Variants in CRYBG1 observed in about 807,000 individuals in gnomAD.
CRYBG1 encodes beta/gamma crystallin domain-containing protein 1.
CRYBG1 carries 139 observed loss-of-function variants against 189.2 expected under a neutral mutation model. The ratio of observed to expected loss-of-function variants is 0.73; its 90% CI spans 0.64 to 0.85. CRYBG1 has a LOEUF of 0.85. CRYBG1 is among the 40% of genes least tolerant of loss of function. CRYBG1 has a pLI of 0.00. For synonymous variants in CRYBG1, 1,023 were observed against 1,017.1 expected, an observed-to-expected ratio of 1.01 and a Z score of -0.11; for missense variants, 2,611 against 2,675.8, an observed-to-expected ratio of 0.98 and a Z score of 0.53.
chr6:106,410,850 G>T (rs1194481568), intron 1 of CRYBG1, among the ~76,000 whole-genome samples: 1 of 152,150 alleles, frequency 6.6e-6, no homozygotes, highest in Non-Finnish European at 1.5e-5. Context: ...ACACACTGGG[G>T]ACTGTTGTGG....
At chr6:106,524,275 G>T (rs1773682418) in intron 4 of CRYBG1, among the ~76,000 whole-genome samples, 1 of 152,084 alleles carries the variant, frequency 6.6e-6, no homozygotes, top group East Asian at 1.9e-4. Flanking sequence ...CAAAAAAGCG[G>T]GATTAGGCCG....
chr6:106,558,449 A>T, intron 17 of CRYBG1, 37 bp from the exon 18 acceptor site: 1 of 1,476,208 alleles, frequency 6.8e-7, no homozygotes, highest in South Asian at 1.3e-5. Context: ...TTATTAACAA[A>T]GATGAATAAC....
At chr6:106,454,468 G>A (rs981912629) in intron 2 of CRYBG1, among the ~76,000 whole-genome samples, 6 of 152,310 alleles carry the variant, frequency 3.9e-5, no homozygotes, top group South Asian at 2.1e-4. Flanking sequence ...GTTCTAGGGT[G>A]CCAGGGGCAC....
intron 4 of CRYBG1, among the ~76,000 whole-genome samples, chr6:106,521,663 TG>T (rs1413567220): frequency 1.3e-5 from 2 of 151,750 alleles, no homozygotes; most frequent in Non-Finnish European, 2.9e-5. Flanking sequence ...TGAAGGCATC[TG>T]TAGTCTTGCA....
Position 106,562,178 on chromosome 6 carries a change from C to T in CRYBG1, c.6138+678C>T, listed in dbSNP as rs141685800. On this transcript the variant is annotated intron_variant, in intron 20 of 21. Transcript: ENST00000633556. ...GTGCCCCGTGAGTCAGCAGAAGGAA[C>T]ACAGCCTTGCGAAAAGGAGTACAAC... 4.6e-5 allele frequency among the ~76,000 whole-genome samples: 7 copies of T among 152,200 alleles called. No homozygotes were observed. In the East Asian group the frequency reaches 1.2e-3, roughly 25 times the overall value.
At chr6:106,535,461 A>G (rs1773982900) in intron 8 of CRYBG1, among the ~76,000 whole-genome samples, 1 of 152,208 alleles carries the variant, frequency 6.6e-6, no homozygotes, top group Non-Finnish European at 1.5e-5. Flanking sequence ...TGTACATTGG[A>G]GATATCATGA....
chr6:106,470,441 C>T (rs573331985), intron 2 of CRYBG1, among the ~76,000 whole-genome samples: 2 of 152,190 alleles, frequency 1.3e-5, no homozygotes, highest in South Asian at 2.1e-4. Flanking sequence ...GGCGTGATGG[C>T]GGGTGCCTGT....
chr6:106,516,800 CTG>C (rs1773433239), intron 3 of CRYBG1, among the ~76,000 whole-genome samples: 1 of 152,162 alleles, frequency 6.6e-6, no homozygotes, highest in South Asian at 2.1e-4. Flanking sequence ...TCACTTCAAA[CTG>C]TGGCCCTGTC....
intron 1 of CRYBG1, among the ~76,000 whole-genome samples, chr6:106,370,761 A>G (rs1352312877): frequency 1.3e-5 from 2 of 152,110 alleles, no homozygotes; most frequent in South Asian, 2.1e-4. Flanking sequence ...GTTCTCTTGC[A>G]TTGTGTACTA....
At chr6:106,377,621 TTATATATA>T (rs373644273) in intron 1 of CRYBG1, among the ~76,000 whole-genome samples, 8,671 of 69,096 alleles carry the variant, frequency 0.13, 1,439 homozygotes, top group African/African-American at 0.29. Flanking sequence ...TCCTAAGGTT[TTATATATA>T]TATATATATA....
At chr6:106,399,604 T>G (rs538984805) in intron 1 of CRYBG1, among the ~76,000 whole-genome samples, 1 of 152,202 alleles carries the variant, frequency 6.6e-6, no homozygotes, top group African/African-American at 2.4e-5. Flanking sequence ...AACTTTTCTG[T>G]GTGATAACTT....
chr6:106,541,295 A>G (rs1040716898), intron 9 of CRYBG1: 3 of 558,362 alleles, frequency 5.4e-6, no homozygotes, highest in Non-Finnish European at 1.1e-5. Context: ...TTTCAAGAGA[A>G]GTATGGATTT....
intron 1 of CRYBG1, among the ~76,000 whole-genome samples, chr6:106,388,142 C>T (rs1426815743): frequency 6.6e-6 from 1 of 152,172 alleles, no homozygotes; most frequent in Non-Finnish European, 1.5e-5. Flanking sequence ...GCTTGTGCTA[C>T]GAATCCTTTT....
intron 6 of CRYBG1, among the ~76,000 whole-genome samples, chr6:106,526,045 A>C (rs1773732228): frequency 6.6e-6 from 1 of 152,180 alleles, no homozygotes; most frequent in South Asian, 2.1e-4. Context: ...GGAGATACAC[A>C]GGAAGTTGGG....
At chr6:106,375,662 C>T (rs1770148770) in intron 1 of CRYBG1, among the ~76,000 whole-genome samples, 1 of 152,250 alleles carries the variant, frequency 6.6e-6, no homozygotes, top group South Asian at 2.1e-4. Flanking sequence ...ACGGTCAGAT[C>T]GGTGAACTTC....
intron 1 of CRYBG1, among the ~76,000 whole-genome samples, chr6:106,448,294 C>A (rs1200233637): frequency 6.6e-6 from 1 of 152,194 alleles, no homozygotes; most frequent in Non-Finnish European, 1.5e-5. Flanking sequence ...CTCCTCCTCT[C>A]AAGGGGAAGC....
intron 1 of CRYBG1, among the ~76,000 whole-genome samples, chr6:106,419,875 T>C (rs1397065096): frequency 6.6e-6 from 1 of 152,234 alleles, no homozygotes; most frequent in Admixed American, 6.5e-5. Context: ...TTCCTTTCCA[T>C]ACAGAAAGCT....
chr6:106,405,562 G>A (rs546902709), intron 1 of CRYBG1, among the ~76,000 whole-genome samples: 73 of 152,318 alleles, frequency 4.8e-4, no homozygotes, highest in Middle Eastern at 3.4e-3. Context: ...CCTCAAGTGG[G>A]TCCCTGACCC....
intron 2 of CRYBG1, among the ~76,000 whole-genome samples, chr6:106,486,222 T>C (rs1420906525): frequency 6.6e-6 from 1 of 152,308 alleles, no homozygotes; most frequent in East Asian, 1.9e-4. Flanking sequence ...GACCCATTGA[T>C]TATCAAAGAA....
Sources: gnomAD v4.1 joint callset for allele counts (sites outside exome capture counted in the v4.1 genomes callset) on GRCh38, gnomAD v4.1.1 for gene constraint, MANE v1.5 for transcripts, NCBI Gene and HGNC (gene_info 2026-07-23, HGNC 2026-07-21) for gene names.